Variants in SEMA4B observed in about 807,000 individuals in gnomAD.
SEMA4B encodes semaphorin 4B.
Under a neutral mutation model 88.1 loss-of-function variants are expected in SEMA4B, and 55 were observed. The ratio of observed to expected loss-of-function variants is 0.62; its 90% CI spans 0.50 to 0.78. SEMA4B has a LOEUF of 0.78. Ranked by LOEUF, SEMA4B falls within the 30% of genes least tolerant of loss-of-function variation. The pLI is 0.00. For synonymous variants in SEMA4B, 525 were observed against 473.6 expected (o/e 1.11, Z -1.41); for missense variants, 1,062 against 1,111.9 (o/e 0.96, Z 0.64).
At chr15:90,227,197 G>A (rs149496469) in intron 12 of SEMA4B, 146 of 229,620 alleles carry the variant, frequency 6.4e-4, no homozygotes, top group African/African-American at 2.0e-3. Context: ...ACAGGCGTGC[G>A]CCACCATGCC....
chr15:90,223,563 A>G lies in SEMA4B; in HGVS notation c.866A>G (p.Asp289Gly). 1 of 1,586,568 alleles carries G rather than the reference A, an allele frequency of 6.3e-7. No homozygotes were observed. The highest frequency in any genetic ancestry group is 8.6e-7 in the Non-Finnish European group (1 of 1,163,732). ...VSRIARICKG[D>G]EGGERVLQQR... The stretch of plus-strand genomic sequence containing the variant: ...CCCATCCGACTCTCCCTCCAGGGCG[A>G]TGAGGGTGGAGAGCGGGTGCTACAG... The change falls in exon 8 of 14, where the codon GAT (aspartate) becomes GGT (glycine). Residue 289 changes from aspartate to glycine, a missense_variant. Transcript: ENST00000411539.
At chr15:90,225,509 A>T (rs1962116388) in intron 11 of SEMA4B, 112 bp downstream of exon 11, 1 of 1,276,396 alleles carries the variant, frequency 7.8e-7, no homozygotes, top group Non-Finnish European at 1.1e-6. Flanking sequence ...TGGAAAGATA[A>T]AGGATCCAGT....
chr15:90,209,691 C>T (rs573403541), intron 1 of SEMA4B, among the ~76,000 whole-genome samples: 8 of 152,314 alleles, frequency 5.3e-5, no homozygotes, highest in South Asian at 4.1e-4. Flanking sequence ...GATGGGCATA[C>T]GGAGAAGGGC....
chr15:90,205,009 A>G (rs529228477), intron 1 of SEMA4B, among the ~76,000 whole-genome samples: 1 of 152,308 alleles, frequency 6.6e-6, no homozygotes, highest in Non-Finnish European at 1.5e-5. Flanking sequence ...TTCTGACCTT[A>G]GGTGATCTGC....
rs1455789025 is a variant in SEMA4B, at chr15:90,225,585, C to A, written c.1522-76C>A. The A allele has an allele frequency of 1.7e-5, 26 of 1,496,730 alleles. No individual in the cohort carries two copies. The East Asian group carries it at 6.2e-4, about 36-fold the overall frequency. The allele number at this position is 1,496,730 out of a possible 1,614,324, so 92.7% of individuals were successfully genotyped here. On this transcript the variant is annotated intron_variant, in intron 11 of 13. Coordinates refer to ENST00000411539, the MANE Select transcript of SEMA4B (RefSeq NM_198925.4). The stretch of plus-strand genomic sequence containing the variant: ...GCCTCTTGGGGGTGGCTCTGGGAGG[C>A]ATACAAGCCGGGTGGCCATGGGTGA...
At chr15:90,219,413 G>C (rs1961691413) in intron 3 of SEMA4B, 1 of 186,220 alleles carries the variant, frequency 5.4e-6, no homozygotes, top group Non-Finnish European at 1.1e-5. Flanking sequence ...AGGGTTCAGG[G>C]CTGAGCAGTC....
chr15:90,224,010 C>A, intron 9 of SEMA4B, 22 bp downstream of exon 9: 1 of 1,594,300 alleles, frequency 6.3e-7, no homozygotes, highest in Non-Finnish European at 8.6e-7. Context: ...CTCCCTGCAC[C>A]CAGAAGGGGT....
rs3029937 is a variant in SEMA4B at position 90,212,643 on chromosome 15, TACAC to T, written c.158-4775_158-4772del. On this transcript the variant is annotated intron_variant, in intron 1 of 13. Transcript: ENST00000411539. This position sits in a 1 kb window ranked among gnomAD's most constrained non-coding sequence, Gnocchi z 4.0. ...CGTGGACAAGCCCTGCGGTACCGTG[TACAC>T]ACACACACACACACACACACCACAG... 6.0e-5 allele frequency among the ~76,000 whole-genome samples: 9 copies of T among 150,004 alleles called. No homozygotes were observed. The highest frequency in any genetic ancestry group is 3.3e-4 in the Admixed American group (5 of 15,096).
At chr15:90,226,351 A>T (rs548412330) in intron 12 of SEMA4B, among the ~76,000 whole-genome samples, 263 of 152,080 alleles carry the variant, frequency 1.7e-3, no homozygotes, top group Non-Finnish European at 2.9e-3. Context: ...ATTTCATTTC[A>T]TTTATCTTGT....
chr15:90,207,838 G>A (rs564952551), intron 1 of SEMA4B, among the ~76,000 whole-genome samples: 1 of 152,318 alleles, frequency 6.6e-6, no homozygotes, highest in East Asian at 1.9e-4. Context: ...GGCAGAGCTG[G>A]CAGACATGTG....
chr15:90,228,420 T>C lies in SEMA4B; in HGVS notation c.2291T>C (p.Val764Ala). Residue 764 changes from valine to alanine, a missense_variant, in exon 14 of 14, where the codon GTG becomes GCG. By Grantham distance (64) the Val-to-Ala change is moderately conservative. Transcript: ENST00000411539. ...ASVHPKTCPVVLPPETRPLNG... is the reference protein window; with the variant it reads ...ASVHPKTCPVALPPETRPLNG... ...GTGCACCCCAAGACCTGCCCTGTGG[T>C]GCTGCCCCCTGAGACCCGCCCACTC... 7 of 1,605,840 alleles carry C rather than the reference T, an allele frequency of 4.4e-6. No homozygotes were observed. Among genetic ancestry groups the C allele is most frequent in the Non-Finnish European group, 4.3e-6 (5 of 1,175,926 alleles).
chr15:90,186,970 AAAAT>A (rs1248545695), intron 1 of SEMA4B, among the ~76,000 whole-genome samples: 2 of 150,850 alleles, frequency 1.3e-5, no homozygotes, highest in Non-Finnish European at 1.5e-5. Context: ...AAATAAAAAT[AAAAT>A]AAATAAAGAT....
chr15:90,225,440 T>A, intron 11 of SEMA4B, 43 bp downstream of exon 11: 2 of 1,517,588 alleles, frequency 1.3e-6, no homozygotes, highest in Non-Finnish European at 1.8e-6. Flanking sequence ...ACTTGGGGGG[T>A]GCCCTCCATT....
chr15:90,196,497 C>CTT (rs140733048), upstream of SEMA4B, among the ~76,000 whole-genome samples: 2 of 151,028 alleles, frequency 1.3e-5, no homozygotes, highest in Non-Finnish European at 1.5e-5. Context: ...ATTTCTTCTA[C>CTT]TTTTTTTTTG....
At chr15:90,222,834 TA>T (rs1961929649) in intron 7 of SEMA4B, among the ~76,000 whole-genome samples, 2 of 150,684 alleles carry the variant, frequency 1.3e-5, no homozygotes, top group African/African-American at 4.9e-5. Flanking sequence ...GGGCAGTGAC[TA>T]AATGTGAACT....
At chr15:90,192,586 C>CTTTTTT (rs67328606) in intron 1 of SEMA4B, among the ~76,000 whole-genome samples, 25 of 88,652 alleles carry the variant, frequency 2.8e-4, no homozygotes, top group African/African-American at 9.2e-4. Flanking sequence ...TCCCTTGTAG[C>CTTTTTT]TTTTTTTTTT....
At chr15:90,214,633 C>CA (rs766089827) in intron 1 of SEMA4B, among the ~76,000 whole-genome samples, 25,463 of 94,098 alleles carry the variant, frequency 0.27, 4,413 homozygotes, top group East Asian at 0.62. Flanking sequence ...AACACCATCT[C>CA]AAAAAAAAAA....
chr15:90,199,126 G>A (rs944763419), upstream of SEMA4B, among the ~76,000 whole-genome samples: 6 of 152,096 alleles, frequency 3.9e-5, no homozygotes, highest in African/African-American at 1.4e-4. Context: ...TGCCCGCCTC[G>A]GCCCACCAAA....
chr15:90,228,814 C>A lies in SEMA4B; in HGVS notation c.*171C>A, dbSNP rs984543191. 4.3e-5 allele frequency: 37 copies of A among 870,170 alleles called. No homozygotes were observed. The highest frequency in any genetic ancestry group is 6.2e-5 in the Non-Finnish European group (36 of 583,718). 53.9% of individuals were successfully genotyped at this position (870,170 alleles called of 1,614,324 possible). On this transcript the variant is annotated 3_prime_UTR_variant, in exon 14 of 14. Transcript: ENST00000411539. Reference sequence around the variant, plus strand: ...GCTCTCCAGTCAAGTAGCGAAGCTCCTACCACCCAGACACCCAAACAGCCG... The same window carrying A: ...GCTCTCCAGTCAAGTAGCGAAGCTCATACCACCCAGACACCCAAACAGCCG...
Sources: gnomAD v4.1 joint callset for allele counts (sites outside exome capture counted in the v4.1 genomes callset) on GRCh38, gnomAD v4.1.1 for gene constraint, Gnocchi (gnomAD v3.1) non-coding constraint, MANE v1.5 for transcripts, NCBI Gene and HGNC (gene_info 2026-07-23, HGNC 2026-07-21) for gene names.